The following OPRD1 variants were observed in gnomAD, a reference collection of about 807,000 sequenced individuals.
OPRD1 encodes the protein delta-type opioid receptor.
In OPRD1, 19 loss-of-function variants were observed where a neutral mutation model predicts 17.5. That is an observed-to-expected ratio of 1.09 (90% CI 0.76 to 1.60). The LOEUF (loss-of-function observed/expected upper bound fraction) is 1.60, where lower values mean the gene tolerates loss of function less well. Among genes scored for constraint, OPRD1 ranks in the 40% most tolerant of loss-of-function variants. OPRD1 has a pLI of 0.00. For missense variants in OPRD1, 483 were observed against 547.2 expected (o/e 0.88, Z 1.17); for synonymous variants, 256 against 240.9 (o/e 1.06, Z -0.58).
At chr1:28,829,454 C>T (rs1412607930) in intron 1 of OPRD1, among the ~76,000 whole-genome samples, 1 of 149,410 alleles carries the variant, frequency 6.7e-6, no homozygotes, top group African/African-American at 2.5e-5. Context: ...CTACAACCTC[C>T]TCCTCCCAGA....
At chr1:28,823,980 C>T (rs561735540) in intron 1 of OPRD1, among the ~76,000 whole-genome samples, 14 of 142,048 alleles carry the variant, frequency 9.9e-5, no homozygotes, top group Non-Finnish European at 2.1e-4. Context: ...GAGTTTGAGA[C>T]CAGCCTGGCC....
chr1:28,816,445 C>T (rs111316496), intron 1 of OPRD1, among the ~76,000 whole-genome samples: 1,555 of 152,194 alleles, frequency 0.01, 30 homozygotes, highest in African/African-American at 0.034. Context: ...AGGGCCTGAA[C>T]GTAAGAACCA....
chr1:28,830,722 A>G (rs1033851563), intron 1 of OPRD1, among the ~76,000 whole-genome samples: 2 of 152,260 alleles, frequency 1.3e-5, no homozygotes, highest in Admixed American at 6.5e-5. Context: ...AAAAAACACA[A>G]TATCTACAAA....
At chr1:28,852,164 TA>T (rs71030305) in intron 1 of OPRD1, among the ~76,000 whole-genome samples, 41,538 of 86,818 alleles carry the variant, frequency 0.48, 7,621 homozygotes, top group East Asian at 0.78. Flanking sequence ...AAACTCCATG[TA>T]AAAAAAAAAA....
chr1:28,832,096 GTGTCCATGAAGCAA>G (rs1243729209), intron 1 of OPRD1, among the ~76,000 whole-genome samples: 4 of 152,136 alleles, frequency 2.6e-5, no homozygotes, highest in African/African-American at 4.8e-5. Context: ...CCATGAAGCA[GTGTCCATGAAGCAA>G]TGTCCATGAA....
intron 1 of OPRD1, among the ~76,000 whole-genome samples, chr1:28,821,501 G>A (rs994539084): frequency 1.3e-5 from 2 of 152,218 alleles, no homozygotes; most frequent in East Asian, 3.9e-4. Context: ...GCCTCCGAAA[G>A]TGCTGGGATT....
At chr1:28,849,243 TA>T (rs201081914) in intron 1 of OPRD1, among the ~76,000 whole-genome samples, 36 of 150,604 alleles carry the variant, frequency 2.4e-4, no homozygotes, top group African/African-American at 6.6e-4. Flanking sequence ...ATCTCTATTT[TA>T]ATTTTTTTTT....
chr1:28,850,705 C>T (rs1436867489), intron 1 of OPRD1, among the ~76,000 whole-genome samples: 1 of 151,302 alleles, frequency 6.6e-6, no homozygotes, highest in Non-Finnish European at 1.5e-5. Flanking sequence ...ATTGATTGAG[C>T]CTAGGAGGTT....
In OPRD1 at chr1:28,858,973, G is replaced by A. The variant is rs749756833; in HGVS notation, c.247G>A (p.Ala83Thr). The change falls in exon 2 of 3, where the codon GCC becomes ACC. Residue 83 changes from alanine to threonine, a missense_variant. Physicochemically the swap from Ala to Thr is moderately conservative, Grantham distance 58 (BLOSUM62 0). Transcript: ENST00000234961. Reference sequence around the variant, plus strand: ...TCTAAGGTACACTAAGATGAAGACGGCCACCAACATCTACATCTTCAACCT... The same window carrying A: ...TCTAAGGTACACTAAGATGAAGACGACCACCAACATCTACATCTTCAACCT... ...GIVRYTKMKTATNIYIFNLAL... is the reference protein window; with the variant it reads ...GIVRYTKMKTTTNIYIFNLAL... The A allele has an allele frequency of 2.5e-6, 4 of 1,611,054 alleles. No individual in the cohort carries two copies. Among genetic ancestry groups the A allele is most frequent in the Non-Finnish European group, 3.4e-6 (4 of 1,179,550 alleles).
rs954790779 is a variant in OPRD1 at position 28,812,484 on chromosome 1, C to A, written c.101C>A (p.Ala34Glu). The stretch of plus-strand genomic sequence containing the variant: ...GCCTGCCCCAGCGCTGGCGCCAATG[C>A]GTCGGGGCCGCCAGGCGCGCGGAGC... The part of the protein sequence containing the change: ...PSACPSAGAN[A>E]SGPPGARSAS... The change falls in exon 1 of 3, where the codon GCG (alanine) becomes GAG (glutamate). Residue 34 changes from alanine to glutamate, a missense_variant. By Grantham distance (107) the Ala-to-Glu change is moderately radical. Coordinates refer to ENST00000234961, the MANE Select transcript of OPRD1 (RefSeq NM_000911.4). 3 of 1,548,678 alleles carry A rather than the reference C, an allele frequency of 1.9e-6. No homozygotes were observed. The highest frequency in any genetic ancestry group is 5.0e-5 in the East Asian group (2 of 40,230).
chr1:28,848,107 G>A (rs1303320712), intron 1 of OPRD1, among the ~76,000 whole-genome samples: 1 of 152,030 alleles, frequency 6.6e-6, no homozygotes, highest in African/African-American at 2.4e-5. Context: ...AATTAGCCGG[G>A]CGGGATGGCG....
intron 1 of OPRD1, among the ~76,000 whole-genome samples, chr1:28,834,373 C>CTTTTT (rs1557572323): frequency 9.1e-6 from 1 of 109,380 alleles, no homozygotes; most frequent in Non-Finnish European, 1.7e-5. Flanking sequence ...GTATTTCTTT[C>CTTTTT]TTTTTTTCTT....
rs117433243 is a variant in OPRD1, at chr1:28,814,124, A to G, written c.227+1514A>G. ...AGCAACAGTGGGAGAATTCCCCCCA[A>G]GCACAGGCGGGACTGATCTTTACTT... On this transcript the variant is annotated intron_variant, in intron 1 of 2. Coordinates refer to ENST00000234961, the MANE Select transcript of OPRD1 (RefSeq NM_000911.4). Among the ~76,000 whole-genome samples, 143 of 152,076 alleles carry G rather than the reference A, an allele frequency of 9.4e-4. No homozygotes were observed. The East Asian group carries it at 0.016, about 17-fold the overall frequency.
chr1:28,841,085 T>C (rs1459376722), intron 1 of OPRD1, among the ~76,000 whole-genome samples: 7 of 152,232 alleles, frequency 4.6e-5, no homozygotes, highest in Non-Finnish European at 8.8e-5. Flanking sequence ...CACATAGTTA[T>C]CCATGAATAC....
At chr1:28,854,851 C>A (rs140409442) in intron 1 of OPRD1, among the ~76,000 whole-genome samples, 10 of 151,788 alleles carry the variant, frequency 6.6e-5, no homozygotes, top group African/African-American at 2.2e-4. Context: ...GGGGTTTCAC[C>A]GTGTTAGTCA....
At chr1:28,860,861 T>C (rs60062512) in intron 2 of OPRD1, among the ~76,000 whole-genome samples, 3,388 of 152,144 alleles carry the variant, frequency 0.022, 121 homozygotes, top group African/African-American at 0.073. Flanking sequence ...AAGGGCAGAG[T>C]CCCTGGTGCC....
intron 1 of OPRD1, among the ~76,000 whole-genome samples, chr1:28,820,041 T>G (rs1266383699): frequency 2.0e-5 from 3 of 151,934 alleles, no homozygotes; most frequent in African/African-American, 7.3e-5. Flanking sequence ...TTATGAGGAG[T>G]TCACGAGGCC....
intron 2 of OPRD1, among the ~76,000 whole-genome samples, chr1:28,861,913 C>CTTTTT (rs34765043): frequency 2.1e-4 from 11 of 52,940 alleles, no homozygotes; most frequent in Non-Finnish European, 3.4e-4. Context: ...CTTTTCTTTT[C>CTTTTT]TTTTTTTTTT....
In OPRD1 at chr1:28,854,529, C is replaced by G. The variant is rs754971093; in HGVS notation, c.228-4425C>G. Among the ~76,000 whole-genome samples the G allele has an allele frequency of 2.0e-5, 3 of 152,086 alleles. No individual in the cohort carries two copies. The South Asian group carries it at 6.2e-4, about 32-fold the overall frequency. Reference sequence around the variant, plus strand: ...AGCCACCATACCTGGCCAAATCTGCCTTTTAGAGTGAGCCGCCAACTTACG... The same window carrying G: ...AGCCACCATACCTGGCCAAATCTGCGTTTTAGAGTGAGCCGCCAACTTACG... On this transcript the variant is annotated intron_variant, in intron 1 of 2. Transcript: ENST00000234961.
Sources: gnomAD v4.1 joint callset for allele counts (sites outside exome capture counted in the v4.1 genomes callset) on GRCh38, gnomAD v4.1.1 for gene constraint, MANE v1.5 for transcripts, NCBI Gene and HGNC (gene_info 2026-07-23, HGNC 2026-07-21) for gene names.